TICAM2: variants seen among roughly 807,000 people sequenced by gnomAD.
TICAM2 encodes TIR domain-containing adapter molecule 2.
TICAM2 carries 8 observed loss-of-function variants against 7.3 expected under a neutral mutation model. That is an observed-to-expected ratio of 1.10 (90% CI 0.65 to 1.99). TICAM2 has a LOEUF of 1.99. TICAM2 is among the 30% of genes most tolerant of loss of function. The probability of loss-of-function intolerance (pLI) is 0.00; values close to 1 mark genes in which losing one functional copy is unlikely to be tolerated. For missense variants in TICAM2, 304 were observed against 278.8 expected (o/e 1.09, Z -0.65); for synonymous variants, 113 against 99.6 (o/e 1.13, Z -0.80).
chr5:115,581,090 G>GTTGGCCCCTCTGTTGTA lies in TICAM2; in HGVS notation c.150_166dup (p.Thr56IlefsTer33), dbSNP rs1480779477. 6.2e-7 allele frequency: 1 copy of GTTGGCCCCTCTGTTGTA among 1,613,970 alleles called. No homozygotes were observed. The highest frequency in any genetic ancestry group is 2.2e-5 in the East Asian group (1 of 44,884). Reference sequence around the variant, plus strand: ...GCTCTGAGCTCCCTCCTGCTTTCCTGTTGGCCCCTCTGTTGTATTGCTGTG... The same window carrying GTTGGCCCCTCTGTTGTA: ...GCTCTGAGCTCCCTCCTGCTTTCCTGTTGGCCCCTCTGTTGTATTGGCCCCTCTGTTGTATTGCTGTG... On this transcript the variant is annotated frameshift_variant, in exon 2 of 2. Transcript: ENST00000427199. LOFTEE classifies it high-confidence loss of function.
intron 1 of TICAM2, among the ~76,000 whole-genome samples, chr5:115,587,692 G>A (rs1755157670): frequency 6.6e-6 from 1 of 152,168 alleles, no homozygotes; most frequent in Non-Finnish European, 1.5e-5. Context: ...GGATGGAGTG[G>A]GTTGGGGGTG....
chr5:115,581,451 G>A (rs527784548), intron 1 of TICAM2, 136 bp from the exon 2 acceptor site: 2 of 1,087,012 alleles, frequency 1.8e-6, no homozygotes, highest in Non-Finnish European at 2.6e-6. Flanking sequence ...ACAGATAATT[G>A]GGAAGCTAAA....
intron 1 of TICAM2, among the ~76,000 whole-genome samples, chr5:115,594,079 T>C (rs1313399963): frequency 6.6e-6 from 1 of 152,234 alleles, no homozygotes; most frequent in East Asian, 1.9e-4. Context: ...TTGGTCCTTT[T>C]CTCTTCTGCC....
chr5:115,586,514 A>G (rs1755112286), intron 1 of TICAM2, among the ~76,000 whole-genome samples: 1 of 152,124 alleles, frequency 6.6e-6, no homozygotes. Context: ...ACCAGAAGAG[A>G]GTGGTACCCC....
rs769194823 is a variant in TICAM2, at chr5:115,580,777, G to A, written c.480C>T (p.Ser160=). The change falls in exon 2 of 2, where the codon TCC becomes TCT. Residue 160 remains serine (S), a synonymous_variant. Transcript: ENST00000427199. The stretch of plus-strand genomic sequence containing the variant: ...AGTTGTATTTATGCTGCCTGTTAAC[G>A]GAGTTCATTAGGGACGTATAGAACT... ...NFQFYTSLMN[S]VNRQHKYNSV... The A allele has an allele frequency of 4.4e-6, 7 of 1,597,330 alleles. No homozygotes were observed. The highest frequency in any genetic ancestry group is 2.2e-5 in the East Asian group (1 of 44,724).
At position 115,581,301 on chromosome 5, in the gene TICAM2, G is replaced by C; in HGVS notation, c.-45C>G. ...AGAGGAAAACTTTATGTATTTCTCAGCATTTCTTTTCAATCTAAAAGAAGT... is the reference window on the plus strand; with the variant it reads ...AGAGGAAAACTTTATGTATTTCTCACCATTTCTTTTCAATCTAAAAGAAGT... On this transcript the variant is annotated 5_prime_UTR_variant, in exon 2 of 2. Coordinates refer to ENST00000427199, the MANE Select transcript of TICAM2 (RefSeq NM_021649.7). 1.3e-6 allele frequency: 2 copies of C among 1,599,392 alleles called. No individual in the cohort carries two copies. The highest frequency in any genetic ancestry group is 2.7e-5 in the African/African-American group (2 of 74,918).
chr5:115,580,934 G>A lies in TICAM2; in HGVS notation c.323C>T (p.Pro108Leu). ...NLLQDDFGIK[P>L]GIIFAEMPCG... ...TGGCATCTCAGCAAAGATTATTCCG[G>A]GTTTGATACCAAAGTCATCTTGTAG... The change falls in exon 2 of 2, where the codon CCC becomes CTC. Residue 108 changes from proline to leucine, a missense_variant. Transcript: ENST00000427199. 1.2e-6 allele frequency: 2 copies of A among 1,613,680 alleles called. No homozygotes were observed. Among genetic ancestry groups the A allele is most frequent in the Non-Finnish European group, 1.7e-6 (2 of 1,179,716 alleles).
intron 1 of TICAM2, among the ~76,000 whole-genome samples, chr5:115,585,456 C>G (rs965529539): frequency 6.6e-6 from 1 of 152,090 alleles, no homozygotes; most frequent in Admixed American, 6.5e-5. Flanking sequence ...TTTTTCCTAG[C>G]AAGACACTCT....
At chr5:115,586,158 G>A (rs565173237) in intron 1 of TICAM2, among the ~76,000 whole-genome samples, 1 of 152,286 alleles carries the variant, frequency 6.6e-6, no homozygotes, top group African/African-American at 2.4e-5. Context: ...AAGGAGGTGA[G>A]TATAGATAGA....
intron 1 of TICAM2, among the ~76,000 whole-genome samples, chr5:115,601,502 ATTT>A (rs551675294): frequency 5.3e-5 from 8 of 152,146 alleles, no homozygotes; most frequent in Non-Finnish European, 7.3e-5. Flanking sequence ...ATAATGGTGT[ATTT>A]TTACCTCCAG....
At position 115,595,805 on chromosome 5, in the gene TICAM2, T is replaced by C. The variant is rs140875106; in HGVS notation, c.-60+6292A>G. ...TGCCTCCATGCTCCATCTTAGAATG[T>C]ACCCTTGCCCAACCATCTACATGAA... On this transcript the variant is annotated intron_variant, in intron 1 of 1. Coordinates refer to ENST00000427199, the MANE Select transcript of TICAM2 (RefSeq NM_021649.7). Among the ~76,000 whole-genome samples, 1,429 of 152,332 alleles carry C rather than the reference T, an allele frequency of 9.4e-3. 9 individuals are homozygous for C. The highest frequency in any genetic ancestry group is 0.017 in the Middle Eastern group (5 of 294).
intron 1 of TICAM2, among the ~76,000 whole-genome samples, chr5:115,601,114 G>C (rs1755716579): frequency 6.6e-6 from 1 of 151,870 alleles, no homozygotes; most frequent in Non-Finnish European, 1.5e-5. Context: ...ATAAAGTGGA[G>C]TTGCTTAACT....
In TICAM2 at chr5:115,594,595, T is replaced by C. The variant is rs189846856; in HGVS notation, c.-60+7502A>G. ...GAATGGCAGCTTGACAAGGTGTTTA[T>C]ACTGTTTGCCAAAATGTTGTTTTCT... On this transcript the variant is annotated intron_variant, in intron 1 of 1. Coordinates refer to ENST00000427199, the MANE Select transcript of TICAM2 (RefSeq NM_021649.7). 1.2e-3 allele frequency among the ~76,000 whole-genome samples: 183 copies of C among 152,342 alleles called. 1 individual carries two copies. The highest frequency in any genetic ancestry group is 3.9e-3 in the African/African-American group (163 of 41,584).
chr5:115,590,156 T>G (rs1190506488), intron 1 of TICAM2, among the ~76,000 whole-genome samples: 1 of 152,120 alleles, frequency 6.6e-6, no homozygotes, highest in Admixed American at 6.6e-5. Flanking sequence ...GAGACCAGCC[T>G]GGGCAACAAA....
chr5:115,581,505 G>A (rs1428817578), intron 1 of TICAM2, among the ~76,000 whole-genome samples, 190 bp from the exon 2 acceptor site: 1 of 152,148 alleles, frequency 6.6e-6, no homozygotes, highest in Non-Finnish European at 1.5e-5. Flanking sequence ...CACAGGCAGC[G>A]AAGGGAACAT....
chr5:115,600,617 G>C lies in TICAM2; in HGVS notation c.-60+1480C>G, dbSNP rs1293042934. ...TTAGTGAAGAAAAAAGAATATTGAG[G>C]AGGGAGTGATCAAATGTTACTGAGG... On this transcript the variant is annotated intron_variant, in intron 1 of 1. Transcript: ENST00000427199. Among the ~76,000 whole-genome samples, 6 of 152,158 alleles carry C rather than the reference G, an allele frequency of 3.9e-5. No individual in the cohort carries two copies. The South Asian group carries it at 1.2e-3, about 32-fold the overall frequency.
intron 1 of TICAM2, among the ~76,000 whole-genome samples, chr5:115,585,429 T>C (rs1457219207): frequency 6.6e-6 from 1 of 152,200 alleles, no homozygotes; most frequent in Admixed American, 6.5e-5. Context: ...AGGTATGCTG[T>C]TTAGCCAGCT....
chr5:115,590,154 C>G (rs1185190159), intron 1 of TICAM2, among the ~76,000 whole-genome samples: 1 of 151,912 alleles, frequency 6.6e-6, no homozygotes. Context: ...TTGAGACCAG[C>G]CTGGGCAACA....
At chr5:115,586,961 C>A (rs1755127560) in intron 1 of TICAM2, among the ~76,000 whole-genome samples, 1 of 152,086 alleles carries the variant, frequency 6.6e-6, no homozygotes, top group South Asian at 2.1e-4. Context: ...GGACGCTTCA[C>A]CCTTGCAAGA....
Sources: gnomAD v4.1 joint callset for allele counts (sites outside exome capture counted in the v4.1 genomes callset) on GRCh38, gnomAD v4.1.1 for gene constraint, MANE v1.5 for transcripts, NCBI Gene and HGNC (gene_info 2026-07-23, HGNC 2026-07-21) for gene names.